Variants in DIPK1A observed in about 807,000 individuals in gnomAD.
DIPK1A encodes the protein divergent protein kinase domain 1A.
A neutral mutation model predicts 40.8 loss-of-function variants in DIPK1A; 27 were observed. The observed-to-expected ratio is 0.66, with a 90% CI of 0.49 to 0.91. The LOEUF is 0.91. Among genes scored for constraint, DIPK1A ranks in the 40% least tolerant of loss-of-function variants. The probability of loss-of-function intolerance (pLI) is 0.00; values close to 1 mark genes in which losing one functional copy is unlikely to be tolerated. For synonymous variants in DIPK1A, 166 were observed against 171.3 expected (o/e 0.97, Z 0.24); for missense variants, 412 against 505.7 (o/e 0.81, Z 1.78).
chr1:92,953,406 G>A (rs1423315368), intron 1 of DIPK1A, among the ~76,000 whole-genome samples: 1 of 152,040 alleles, frequency 6.6e-6, no homozygotes, highest in African/African-American at 2.4e-5. Flanking sequence ...TCCCACTTCT[G>A]GATATACAAA....
intron 2 of DIPK1A, among the ~76,000 whole-genome samples, 199 bp downstream of exon 2, chr1:92,876,097 A>G (rs1444696178): frequency 6.6e-6 from 1 of 151,454 alleles, no homozygotes; most frequent in Non-Finnish European, 1.5e-5. Flanking sequence ...TATGTGTTAT[A>G]TATTTAAATT....
At chr1:92,861,321 C>CTTTTTTTTTTTTT (rs71230876) in intron 2 of DIPK1A, among the ~76,000 whole-genome samples, 1 of 83,546 alleles carries the variant, frequency 1.2e-5, no homozygotes, top group Non-Finnish European at 2.1e-5. Context: ...CTCTCTCTCT[C>CTTTTTTTTTTTTT]TTTTTTTTTT....
At chr1:92,883,984 C>T (rs1243983110) in intron 1 of DIPK1A, among the ~76,000 whole-genome samples, 2 of 152,104 alleles carry the variant, frequency 1.3e-5, no homozygotes, top group Admixed American at 1.3e-4. Context: ...TTCCTTCTGC[C>T]TTAGAGGAGA....
intron 1 of DIPK1A, among the ~76,000 whole-genome samples, chr1:92,955,494 C>T (rs946763088): frequency 2.7e-5 from 4 of 149,180 alleles, no homozygotes; most frequent in Non-Finnish European, 5.9e-5. Context: ...GTCAGGAGAT[C>T]GAGACCATCC....
intron 4 of DIPK1A, chr1:92,846,317 G>T (rs921836759): frequency 6.5e-6 from 1 of 153,864 alleles, no homozygotes; most frequent in African/African-American, 2.4e-5. Flanking sequence ...TTAGTTTTTT[G>T]AAAATAACCA....
chr1:92,865,166 A>G (rs1647477987), intron 2 of DIPK1A, among the ~76,000 whole-genome samples: 1 of 152,044 alleles, frequency 6.6e-6, no homozygotes, highest in Non-Finnish European at 1.5e-5. Flanking sequence ...GTTGGAGATC[A>G]GCCTGGGCAA....
rs192279769 is a variant in DIPK1A at position 92,906,359 on chromosome 1, G to C, written c.55-29929C>G. On this transcript the variant is annotated intron_variant, in intron 1 of 4. Transcript: ENST00000370310. ...AGCATAGAAGCACAAGTTGTTAAGG[G>C]CTAGAAGAGGCCTTGAAGATAACAT... 2.6e-5 allele frequency among the ~76,000 whole-genome samples: 4 copies of C among 152,244 alleles called. No homozygotes were observed. In the East Asian group the frequency reaches 7.7e-4, roughly 29 times the overall value.
At chr1:92,877,106 C>T in intron 1 of DIPK1A, 1 of 985,380 alleles carries the variant, frequency 1.0e-6, no homozygotes, top group South Asian at 4.7e-5. Context: ...CTTTGCATAT[C>T]AACTTGCAAA....
intron 1 of DIPK1A, among the ~76,000 whole-genome samples, chr1:92,885,446 C>G (rs1368429102): frequency 6.6e-6 from 1 of 152,132 alleles, no homozygotes; most frequent in African/African-American, 2.4e-5. Flanking sequence ...ACCTCCGCCT[C>G]CTAGGTTCAA....
chr1:92,863,516 T>A (rs1647375543), intron 2 of DIPK1A, among the ~76,000 whole-genome samples: 1 of 127,396 alleles, frequency 7.8e-6, no homozygotes, highest in Non-Finnish European at 1.6e-5. Flanking sequence ...GGAAATCAAT[T>A]GAAGCTAAGA....
intron 2 of DIPK1A, among the ~76,000 whole-genome samples, chr1:92,857,465 G>A (rs1222348796): frequency 6.6e-6 from 1 of 151,882 alleles, no homozygotes; most frequent in Non-Finnish European, 1.5e-5. Context: ...AGGATTATAG[G>A]AACCTGCCAT....
intron 4 of DIPK1A, among the ~76,000 whole-genome samples, chr1:92,834,564 T>A (rs926567969): frequency 2.6e-5 from 4 of 152,222 alleles, no homozygotes. Context: ...TGACTTTAGT[T>A]ATGTTTAGTT....
chr1:92,902,780 A>G (rs1649471067), intron 1 of DIPK1A, among the ~76,000 whole-genome samples: 1 of 152,128 alleles, frequency 6.6e-6, no homozygotes, highest in Non-Finnish European at 1.5e-5. Context: ...GGCCCTACCA[A>G]GTTCCTGTGC....
intron 2 of DIPK1A, among the ~76,000 whole-genome samples, chr1:92,853,178 C>T (rs1200656635): frequency 6.6e-6 from 1 of 152,040 alleles, no homozygotes; most frequent in African/African-American, 2.4e-5. Flanking sequence ...AAAGTATATC[C>T]ACCATGTCCA....
intron 1 of DIPK1A, among the ~76,000 whole-genome samples, chr1:92,890,072 T>C (rs1454062244): frequency 2.0e-5 from 3 of 152,206 alleles, no homozygotes; most frequent in Non-Finnish European, 4.4e-5. Context: ...TTATTTATTG[T>C]AGTTATTGTA....
Position 92,961,403 on chromosome 1 carries a change from G to T in DIPK1A, c.27C>A (p.Ala9=). 1 of 1,532,656 alleles carries T rather than the reference G, an allele frequency of 6.5e-7. No homozygotes were observed. The highest frequency in any genetic ancestry group is 1.8e-4 in the Middle Eastern group (1 of 5,538). 94.9% of individuals were successfully genotyped at this position (1,532,656 alleles called of 1,614,324 possible). MARSLCPG[A]WLRKPYYLQA... ...GGAGGTAATAGGGTTTCCTTAGCCA[G>T]GCCCCCGGACAGAGACTCCTCGCCA... The change falls in exon 1 of 5, where the codon GCC becomes GCA. Residue 9 remains alanine, a synonymous_variant. Coordinates refer to ENST00000370310, the MANE Select transcript of DIPK1A (RefSeq NM_001006605.5).
intron 1 of DIPK1A, among the ~76,000 whole-genome samples, chr1:92,907,813 C>T (rs1276210829): frequency 6.6e-6 from 1 of 151,462 alleles, no homozygotes; most frequent in African/African-American, 2.4e-5. Flanking sequence ...AACTGTACAA[C>T]TTAAAATCTC....
downstream of DIPK1A, chr1:92,840,737 G>A (rs776356938): frequency 5.6e-6 from 5 of 885,210 alleles, no homozygotes; most frequent in Non-Finnish European, 9.4e-6. Flanking sequence ...TCGATCACTA[G>A]CTCTGCGTGA....
At chr1:92,956,067 A>G (rs1369005817) in intron 1 of DIPK1A, among the ~76,000 whole-genome samples, 1 of 152,108 alleles carries the variant, frequency 6.6e-6, no homozygotes, top group Non-Finnish European at 1.5e-5. Context: ...AAAAGGGGAA[A>G]AAAAAGAAAA....
Sources: allele counts gnomAD v4.1 joint callset (sites outside exome capture counted in the v4.1 genomes callset), GRCh38; gene constraint gnomAD v4.1.1; transcripts MANE v1.5; gene names NCBI Gene and HGNC (gene_info 2026-07-23, HGNC 2026-07-21).